RAD54L2: variants seen among roughly 807,000 people sequenced by gnomAD.
RAD54L2 encodes helicase ARIP4.
A neutral mutation model predicts 138.4 loss-of-function variants in RAD54L2; 27 were observed. The observed-to-expected ratio is 0.20, with a 90% CI of 0.14 to 0.27. RAD54L2 has a LOEUF of 0.27. Among genes scored for constraint, RAD54L2 ranks in the 10% least tolerant of loss-of-function variants. The probability of loss-of-function intolerance (pLI) is 1.00; values close to 1 mark genes in which losing one functional copy is unlikely to be tolerated. For synonymous variants in RAD54L2, 644 were observed against 723.2 expected, an observed-to-expected ratio of 0.89 and a Z score of 1.76; for missense variants, 1,396 against 1,890.2, an observed-to-expected ratio of 0.74 and a Z score of 4.85.
chr3:51,610,872 A>G (rs982710828), intron 3 of RAD54L2, among the ~76,000 whole-genome samples: 1 of 152,134 alleles, frequency 6.6e-6, no homozygotes, highest in Non-Finnish European at 1.5e-5. Flanking sequence ...AATCCAACAC[A>G]TCAGGCAACT....
intron 2 of RAD54L2, among the ~76,000 whole-genome samples, chr3:51,574,653 A>C (rs1202789919): frequency 6.6e-6 from 1 of 152,188 alleles, no homozygotes; most frequent in East Asian, 1.9e-4. Context: ...TCTTTTGAGA[A>C]GTATCTGTTC....
intron 3 of RAD54L2, among the ~76,000 whole-genome samples, chr3:51,604,023 A>G (rs1700128983): frequency 6.6e-6 from 1 of 152,224 alleles, no homozygotes; most frequent in East Asian, 1.9e-4. Context: ...TAATGCAGAA[A>G]TCTAAGTAAG....
chr3:51,596,070 A>G (rs1187293566), intron 3 of RAD54L2, among the ~76,000 whole-genome samples: 2 of 11,550 alleles, frequency 1.7e-4, no homozygotes, highest in African/African-American at 3.1e-4. Flanking sequence ...CTGAGACTAC[A>G]GGTGTGCGTC....
At chr3:51,606,230 G>A (rs1700177105) in intron 3 of RAD54L2, among the ~76,000 whole-genome samples, 1 of 152,146 alleles carries the variant, frequency 6.6e-6, no homozygotes, top group Non-Finnish European at 1.5e-5. Flanking sequence ...AAAGATCCTG[G>A]GTGGGTGAAG....
intron 9 of RAD54L2, among the ~76,000 whole-genome samples, 177 bp from the exon 10 acceptor site, chr3:51,635,416 T>G (rs1700960680): frequency 6.6e-6 from 1 of 152,192 alleles, no homozygotes; most frequent in South Asian, 2.1e-4. Flanking sequence ...GATGGGAGGT[T>G]CTTGGGTGGT....
intron 2 of RAD54L2, among the ~76,000 whole-genome samples, chr3:51,569,408 G>A (rs970747783): frequency 6.6e-6 from 1 of 151,394 alleles, no homozygotes; most frequent in African/African-American, 2.4e-5. Context: ...TTTCTAGACG[G>A]AGTCTTGCTC....
intron 3 of RAD54L2, among the ~76,000 whole-genome samples, chr3:51,610,660 GAAA>G: frequency 6.8e-6 from 1 of 148,070 alleles, no homozygotes. Context: ...AAAAAAAACA[GAAA>G]GAATGAATGA....
chr3:51,610,079 T>C (rs1577423012), intron 3 of RAD54L2, among the ~76,000 whole-genome samples: 1 of 151,264 alleles, frequency 6.6e-6, no homozygotes, highest in Middle Eastern at 3.2e-3. Flanking sequence ...GAGCTTGCAG[T>C]GAGCCGAGAT....
chr3:51,637,245 C>T lies in RAD54L2; in HGVS notation c.1424C>T (p.Thr475Ile), dbSNP rs1701004048. The T allele has an allele frequency of 1.9e-6, 3 of 1,600,726 alleles. No homozygotes were observed. The highest frequency in any genetic ancestry group is 2.6e-6 in the Non-Finnish European group (3 of 1,173,704). Residue 475 changes from threonine (T) to isoleucine (I), a missense_variant, in exon 11 of 23, where the codon ACC becomes ATC. Around this residue, in one of 7 missense-constraint regions of RAD54L2, gnomAD observed 169 missense variants for 235.6 expected, o/e 0.72. Transcript: ENST00000684192. The surrounding 1 kb of genome is among the most constrained non-coding windows in gnomAD (Gnocchi z 5.9). ...CGCATCAAAAACTGCCAGGCCAGCA[C>T]CTCACAGGCTCTGAAGAATATCCGC... is the stretch of plus-strand genomic sequence containing the variant. ...GHRIKNCQAS[T>I]SQALKNIRSR...
In RAD54L2 at chr3:51,573,618, C is replaced by T. The variant is rs1003916637; in HGVS notation, c.-54-16749C>T. 3.9e-5 allele frequency among the ~76,000 whole-genome samples: 6 copies of T among 151,968 alleles called. No homozygotes were observed. In the South Asian group the frequency reaches 8.3e-4, roughly 21 times the overall value. On this transcript the variant is annotated intron_variant, in intron 2 of 22. Coordinates refer to ENST00000684192, the MANE Select transcript of RAD54L2 (RefSeq NM_015106.4). ...GCCCGAGTAGGTGGGACTATAGGTG[C>T]GCCACCACGCCTGACTAATTTTTGT...
At chr3:51,657,024 A>G (rs1306795791) in intron 20 of RAD54L2, among the ~76,000 whole-genome samples, 2 of 152,322 alleles carry the variant, frequency 1.3e-5, no homozygotes, top group African/African-American at 4.8e-5. Flanking sequence ...GGTGTGAGCC[A>G]TTGCACCCGG....
At chr3:51,653,373 T>C (rs891008152) in intron 19 of RAD54L2, among the ~76,000 whole-genome samples, 6 of 152,180 alleles carry the variant, frequency 3.9e-5, no homozygotes, top group African/African-American at 9.7e-5. Context: ...GACAGTGTGG[T>C]GATTCCTCAA....
chr3:51,634,127 G>T, intron 9 of RAD54L2, 92 bp downstream of exon 9: 1 of 1,439,338 alleles, frequency 6.9e-7, no homozygotes, highest in South Asian at 1.4e-5. Context: ...TGTGTAGCCT[G>T]TGCATCTAGA....
At position 51,612,807 on chromosome 3, in the gene RAD54L2, A is replaced by G. The variant is rs529258706; in HGVS notation, c.140-14746A>G. Among the ~76,000 whole-genome samples, 35 of 152,288 alleles carry G rather than the reference A, an allele frequency of 2.3e-4. 1 individual carries two copies. In the South Asian group the frequency reaches 6.6e-3, roughly 29 times the overall value. ...AAGTAAGTGGACATAGGAGAGGCAT[A>G]CTTTAAAGATTGGAATATGATTTTC... is the stretch of plus-strand genomic sequence containing the variant. On this transcript the variant is annotated intron_variant, in intron 3 of 22. Transcript: ENST00000684192.
At position 51,645,717 on chromosome 3, in the gene RAD54L2, C is replaced by T. The variant is rs1242214338; in HGVS notation, c.2783C>T (p.Ser928Leu). ...VSLNVKGIKE[S>L]VLQLACLKYP... The stretch of plus-strand genomic sequence containing the variant: ...TTGAACGTAAAGGGGATCAAGGAGT[C>T]AGTCCTGCAACTGGCCTGTCTGAAG... Residue 928 changes from serine (S) to leucine (L), a missense_variant, in exon 18 of 23, where the codon TCA (serine) becomes TTA (leucine). Transcript: ENST00000684192. The surrounding 1 kb of genome is among the most constrained non-coding windows in gnomAD (Gnocchi z 6.1). The T allele has an allele frequency of 1.4e-5, 22 of 1,612,784 alleles. No individual in the cohort carries two copies. In the South Asian group the frequency reaches 1.5e-4, roughly 11 times the overall value.
chr3:51,546,588 C>T (rs931585218), intron 2 of RAD54L2, among the ~76,000 whole-genome samples: 2 of 151,530 alleles, frequency 1.3e-5, no homozygotes, highest in African/African-American at 4.9e-5. Flanking sequence ...TGTGGTGAGC[C>T]GAGATCGTGC....
At chr3:51,598,366 T>C (rs1700016680) in intron 3 of RAD54L2, among the ~76,000 whole-genome samples, 2 of 152,086 alleles carry the variant, frequency 1.3e-5, no homozygotes, top group South Asian at 4.1e-4. Flanking sequence ...TTTCTAATTA[T>C]GGGTCATAAG....
chr3:51,607,573 G>C (rs1004242622), intron 3 of RAD54L2, among the ~76,000 whole-genome samples: 20 of 152,026 alleles, frequency 1.3e-4, no homozygotes, highest in Non-Finnish European at 2.9e-4. Flanking sequence ...TTTTCTATTC[G>C]ACAAAACCGC....
intron 2 of RAD54L2, among the ~76,000 whole-genome samples, chr3:51,544,009 A>AT (rs869131852): frequency 6.6e-6 from 1 of 152,056 alleles, no homozygotes; most frequent in East Asian, 1.9e-4. Flanking sequence ...AAGTTTTGGT[A>AT]TTTTTAAAAA....
Sources: allele counts gnomAD v4.1 joint callset (sites outside exome capture counted in the v4.1 genomes callset), GRCh38; gene constraint gnomAD v4.1.1; regional missense constraint gnomAD v4.1.1; non-coding constraint Gnocchi (gnomAD v3.1); transcripts MANE v1.5; gene names NCBI Gene and HGNC (gene_info 2026-07-23, HGNC 2026-07-21).